ARHGEF3: variants seen among roughly 807,000 people sequenced by gnomAD.
ARHGEF3 encodes 59.8 kDA protein.
ARHGEF3 carries 28 observed loss-of-function variants against 63.2 expected under a neutral mutation model. The ratio of observed to expected loss-of-function variants is 0.44; its 90% CI spans 0.33 to 0.61. The LOEUF (loss-of-function observed/expected upper bound fraction) is 0.61, where lower values mean the gene tolerates loss of function less well. Among genes scored for constraint, ARHGEF3 ranks in the 20% least tolerant of loss-of-function variants. The pLI is 0.03. For missense variants in ARHGEF3, 533 were observed against 659.3 expected (o/e 0.81, Z 2.10); for synonymous variants, 266 against 254.2 (o/e 1.05, Z -0.44).
At chr3:56,888,018 T>G (rs983485761) in intron 3 of ARHGEF3, among the ~76,000 whole-genome samples, 2 of 151,910 alleles carry the variant, frequency 1.3e-5, no homozygotes, top group African/African-American at 4.8e-5. Context: ...TGAAGGTCAT[T>G]GAAGGCTTAA....
At chr3:56,945,828 T>A (rs1025347897) in intron 3 of ARHGEF3, among the ~76,000 whole-genome samples, 2 of 152,178 alleles carry the variant, frequency 1.3e-5, no homozygotes, top group African/African-American at 2.4e-5. Flanking sequence ...ACAGACTGCC[T>A]CCTCAAGTGG....
chr3:56,744,614 C>T (rs1578394126), intron 7 of ARHGEF3, among the ~76,000 whole-genome samples: 1 of 151,480 alleles, frequency 6.6e-6, no homozygotes, highest in Non-Finnish European at 1.5e-5. Context: ...CTTTTTTGGC[C>T]AGGCTGGTCT....
chr3:56,910,378 G>A (rs1278663613), intron 3 of ARHGEF3, among the ~76,000 whole-genome samples: 1 of 152,194 alleles, frequency 6.6e-6, no homozygotes, highest in Non-Finnish European at 1.5e-5. Flanking sequence ...ATGGAAAGAT[G>A]GGATGAGTAC....
At chr3:57,001,288 G>A (rs539183264) in intron 2 of ARHGEF3, among the ~76,000 whole-genome samples, 3 of 152,272 alleles carry the variant, frequency 2.0e-5, no homozygotes, top group African/African-American at 2.4e-5. Context: ...ACTTATCCAC[G>A]TTGATGCATG....
intron 8 of ARHGEF3, among the ~76,000 whole-genome samples, chr3:56,735,729 A>G (rs533390683): frequency 4.0e-4 from 61 of 152,160 alleles, no homozygotes; most frequent in African/African-American, 1.4e-3. Context: ...CTTTCTAGCA[A>G]TCAGTAACTC....
At chr3:56,888,630 T>A (rs116183811) in intron 3 of ARHGEF3, among the ~76,000 whole-genome samples, 1 of 152,236 alleles carries the variant, frequency 6.6e-6, no homozygotes, top group East Asian at 1.9e-4. Context: ...GGGCCAGGCA[T>A]GGTGGCTCAC....
intron 8 of ARHGEF3, among the ~76,000 whole-genome samples, chr3:56,734,892 T>A (rs1442173473): frequency 6.6e-6 from 1 of 152,206 alleles, no homozygotes; most frequent in Non-Finnish European, 1.5e-5. Context: ...GGGGGCTGTT[T>A]TAATGTACAG....
Position 56,792,113 on chromosome 3 carries a change from A to AAAAAAAAAAAG in ARHGEF3, c.96+9589_96+9590insCTTTTTTTTTT, listed in dbSNP as rs55899473. Among the ~76,000 whole-genome samples, 216 of 140,002 alleles carry AAAAAAAAAAAG rather than the reference A, an allele frequency of 1.5e-3. 2 individuals are homozygous for AAAAAAAAAAAG. Among genetic ancestry groups the AAAAAAAAAAAG allele is most frequent in the East Asian group, 3.9e-3 (19 of 4,850 alleles). 91.8% of individuals were successfully genotyped at this position (140,002 alleles called of 152,430 possible). ...AGTGAGACTCTGTCTCAAAAAAAAA[A>AAAAAAAAAAAG]AAAAGAAAAGAAAAGAAAAGAAAAG... On this transcript the variant is annotated intron_variant, in intron 1 of 9. Transcript: ENST00000296315.
intron 4 of ARHGEF3, among the ~76,000 whole-genome samples, chr3:56,864,587 C>G (rs188665244): frequency 6.6e-6 from 1 of 152,188 alleles, no homozygotes; most frequent in Non-Finnish European, 1.5e-5. Flanking sequence ...CTGTAAGTCA[C>G]CAGCACCTTG....
upstream of ARHGEF3, chr3:56,802,006 G>T: frequency 6.9e-7 from 1 of 1,453,316 alleles, no homozygotes; most frequent in Non-Finnish European, 9.0e-7. Flanking sequence ...GGGTGGGGAG[G>T]GGGCGGGCCG....
rs566375944 is a variant in ARHGEF3 at position 56,936,914 on chromosome 3, T to C, written c.129+21909A>G. ...TTTGTATTTTTTGTACAGATAGGTT[T>C]CGCCATGTTGCCCAGGCTGGTCTTG... On this transcript the variant is annotated intron_variant, in intron 3 of 12. Transcript: ENST00000338458. Among the ~76,000 whole-genome samples, 7 of 152,338 alleles carry C rather than the reference T, an allele frequency of 4.6e-5. No homozygotes were observed. In the South Asian group the frequency reaches 8.3e-4, roughly 18 times the overall value.
At chr3:56,837,266 C>G (rs1014663288) in intron 4 of ARHGEF3, among the ~76,000 whole-genome samples, 13 of 152,110 alleles carry the variant, frequency 8.5e-5, no homozygotes, top group Admixed American at 3.3e-4. Flanking sequence ...GGGGAGGGAG[C>G]AAGCAAAGAG....
At chr3:57,042,692 A>ATTTTTTT (rs1447905041) in intron 1 of ARHGEF3, among the ~76,000 whole-genome samples, 35 of 23,936 alleles carry the variant, frequency 1.5e-3, no homozygotes, top group Admixed American at 3.8e-3. Context: ...ATATATATAT[A>ATTTTTTT]TATATATATT....
At chr3:56,751,241 T>C in intron 5 of ARHGEF3, 59 bp downstream of exon 5, 1 of 1,552,750 alleles carries the variant, frequency 6.4e-7, no homozygotes, top group African/African-American at 1.4e-5. Context: ...CACTCACTCA[T>C]TATAAGACAA....
chr3:56,849,812 A>G (rs1400632836), intron 4 of ARHGEF3, among the ~76,000 whole-genome samples: 1 of 152,162 alleles, frequency 6.6e-6, no homozygotes, highest in Admixed American at 6.5e-5. Flanking sequence ...GAATTTAGAG[A>G]ACAATGCATT....
rs201838023 is a variant in ARHGEF3 at position 56,732,230 on chromosome 3, A to G, written c.1228+8T>C. The G allele has an allele frequency of 6.2e-7, 1 of 1,613,688 alleles. No homozygotes were observed. Among genetic ancestry groups the G allele is most frequent in the Admixed American group, 1.7e-5 (1 of 60,016 alleles). ...ATTCAACAGGTCAACCCCGACTGCT[A>G]TCCATACTTCTCTCATTGTTGCTGA... On this transcript the variant is annotated splice_region_variant and intron_variant, in intron 9 of 9. Coordinates refer to ENST00000296315, the MANE Select transcript of ARHGEF3 (RefSeq NM_019555.3).
chr3:56,959,186 C>T (rs942608004), intron 2 of ARHGEF3, among the ~76,000 whole-genome samples: 4 of 152,192 alleles, frequency 2.6e-5, no homozygotes, highest in African/African-American at 7.2e-5. Flanking sequence ...GACTCCCAAT[C>T]TTTGTCTTGA....
chr3:56,773,694 G>A lies in ARHGEF3; in HGVS notation c.204+15C>T, dbSNP rs748112226. ...ATGATTTTCTGCAACCACAGGCCCT[G>A]TGTGCCCTTCTTACCTGCAGGGTTT... On this transcript the variant is annotated intron_variant, in intron 2 of 9. Transcript: ENST00000296315. 1 of 1,560,354 alleles carries A rather than the reference G, an allele frequency of 6.4e-7. No individual in the cohort carries two copies. The highest frequency in any genetic ancestry group is 8.6e-7 in the Non-Finnish European group (1 of 1,158,294).
At chr3:56,865,791 A>G (rs2040230126) in intron 4 of ARHGEF3, among the ~76,000 whole-genome samples, 1 of 152,170 alleles carries the variant, frequency 6.6e-6, no homozygotes, top group Non-Finnish European at 1.5e-5. Flanking sequence ...TACAACCCAG[A>G]AGAGGACCCT....
Sources: gnomAD v4.1 joint callset for allele counts (sites outside exome capture counted in the v4.1 genomes callset) on GRCh38, gnomAD v4.1.1 for gene constraint, MANE v1.5 for transcripts, NCBI Gene and HGNC (gene_info 2026-07-23, HGNC 2026-07-21) for gene names.